PRIMA1: variants seen among roughly 807,000 people sequenced by gnomAD.
PRIMA1 encodes the protein proline rich membrane anchor 1.
PRIMA1 carries 7 observed loss-of-function variants against 17.5 expected under a neutral mutation model. The ratio of observed to expected loss-of-function variants is 0.40; its 90% confidence interval spans 0.23 to 0.75. The LOEUF (loss-of-function observed/expected upper bound fraction) is 0.75, where lower values mean the gene tolerates loss of function less well. PRIMA1 is among the 30% of genes least tolerant of loss of function. The probability of loss-of-function intolerance (pLI) is 0.37; values close to 1 mark genes in which losing one functional copy is unlikely to be tolerated. For missense variants in PRIMA1, 200 were observed against 201.8 expected, an observed-to-expected ratio of 0.99 and a Z score of 0.05; for synonymous variants, 97 against 77.9, an observed-to-expected ratio of 1.25 and a Z score of -1.29.
intron 2 of PRIMA1, 42 bp downstream of exon 2, chr14:93,787,584 C>G (rs1399968712): frequency 6.5e-7 from 1 of 1,537,400 alleles, no homozygotes; most frequent in Admixed American, 2.0e-5. Flanking sequence ...CGCCCCTTAC[C>G]CAGGAGGCCC....
Position 93,726,539 on chromosome 14 carries a change from C to A in PRIMA1, c.360-4993G>T, listed in dbSNP as rs1157167629. On this transcript the variant is annotated intron_variant, in intron 4 of 4. Coordinates refer to ENST00000393140, the MANE Select transcript of PRIMA1 (RefSeq NM_178013.4). This position sits in a 1 kb window ranked among gnomAD's most constrained non-coding sequence, Gnocchi z 4.2. ...ACACACAGGCACGTACACATAGACA[C>A]ATGTACACATGCACAAATCCACATA... 6.6e-6 allele frequency among the ~76,000 whole-genome samples: 1 copy of A among 152,064 alleles called. No homozygotes were observed. Among genetic ancestry groups the A allele is most frequent in the African/African-American group, 2.4e-5 (1 of 41,388 alleles).
At chr14:93,786,294 A>G (rs1402714441) in intron 2 of PRIMA1, among the ~76,000 whole-genome samples, 1 of 152,240 alleles carries the variant, frequency 6.6e-6, no homozygotes. Context: ...TTCACACATT[A>G]GACAAAGCTG....
chr14:93,777,290 C>T (rs1343432017), intron 3 of PRIMA1, among the ~76,000 whole-genome samples: 1 of 152,134 alleles, frequency 6.6e-6, no homozygotes, highest in Non-Finnish European at 1.5e-5. Flanking sequence ...CTTCCTTCTG[C>T]CTGGATGCCC....
intron 3 of PRIMA1, among the ~76,000 whole-genome samples, chr14:93,771,451 A>G (rs1269439936): frequency 6.6e-6 from 1 of 152,170 alleles, no homozygotes; most frequent in African/African-American, 2.4e-5. Context: ...TAGAGTGAAC[A>G]GCTCCATCTG....
intron 3 of PRIMA1, among the ~76,000 whole-genome samples, chr14:93,755,110 G>A (rs1475412798): frequency 6.6e-6 from 1 of 152,148 alleles, no homozygotes; most frequent in Non-Finnish European, 1.5e-5. Context: ...TCCAGAAGCT[G>A]GTCAGTGGGG....
intron 3 of PRIMA1, among the ~76,000 whole-genome samples, chr14:93,754,866 G>A (rs981653220): frequency 5.9e-5 from 9 of 152,120 alleles, no homozygotes; most frequent in African/African-American, 9.7e-5. Flanking sequence ...TGAGGGCTGC[G>A]TCATACAGAC....
In PRIMA1 at chr14:93,756,233, A is replaced by G. The variant is rs1452044991; in HGVS notation, c.230-18863T>C. On this transcript the variant is annotated intron_variant, in intron 3 of 4. Coordinates refer to ENST00000393140, the MANE Select transcript of PRIMA1 (RefSeq NM_178013.4). ...ATAAGAAATATCTTTGATTTTAAAT[A>G]CCATTTCTTTTCTTTTTTTAAACAC... is the stretch of plus-strand genomic sequence containing the variant. 2.6e-5 allele frequency among the ~76,000 whole-genome samples: 4 copies of G among 152,148 alleles called. No homozygotes were observed. In the East Asian group the frequency reaches 7.7e-4, roughly 29 times the overall value.
intron 3 of PRIMA1, among the ~76,000 whole-genome samples, chr14:93,753,741 G>T (rs551124113): frequency 1.3e-5 from 2 of 152,138 alleles, no homozygotes; most frequent in Non-Finnish European, 2.9e-5. Flanking sequence ...CCCCCTTTGT[G>T]GAGAGGACTC....
In PRIMA1 at chr14:93,770,214, C is replaced by T. The variant is rs555993640; in HGVS notation, c.229+8962G>A. On this transcript the variant is annotated intron_variant, in intron 3 of 4. Coordinates refer to ENST00000393140, the MANE Select transcript of PRIMA1 (RefSeq NM_178013.4). Reference sequence around the variant, plus strand: ...CTGGCCCATGGCAACAGCCTCCTCACTGGGCTCCCAGCCTCCACTCTTCCC... The same window carrying T: ...CTGGCCCATGGCAACAGCCTCCTCATTGGGCTCCCAGCCTCCACTCTTCCC... 1.4e-3 allele frequency among the ~76,000 whole-genome samples: 207 copies of T among 152,276 alleles called. No homozygotes were observed. The Middle Eastern group carries it at 0.017, about 13-fold the overall frequency.
At chr14:93,756,600 TC>T (rs1187991110) in intron 3 of PRIMA1, among the ~76,000 whole-genome samples, 5 of 151,858 alleles carry the variant, frequency 3.3e-5, no homozygotes, top group Non-Finnish European at 7.4e-5. Context: ...TGCCTTCAAG[TC>T]CCAGCCAGAT....
intron 3 of PRIMA1, among the ~76,000 whole-genome samples, chr14:93,777,099 T>C (rs567097770): frequency 5.3e-5 from 8 of 152,324 alleles, no homozygotes; most frequent in Admixed American, 2.0e-4. Context: ...TACTTGGATA[T>C]GCGTGAATGT....
rs1428713367 is a variant in PRIMA1, at chr14:93,727,752, G to T, written c.360-6206C>A. 2.0e-5 allele frequency among the ~76,000 whole-genome samples: 3 copies of T among 152,186 alleles called. No homozygotes were observed. In the East Asian group the frequency reaches 5.8e-4, roughly 29 times the overall value. On this transcript the variant is annotated intron_variant, in intron 4 of 4. Transcript: ENST00000393140. ...GCATGCCCTTGGACACCAGCCCCAG[G>T]TCACGGAACCCCCCTTCACCTTGTC... is the stretch of plus-strand genomic sequence containing the variant.
chr14:93,774,216 G>A (rs1363831905), intron 3 of PRIMA1, among the ~76,000 whole-genome samples: 1 of 152,214 alleles, frequency 6.6e-6, no homozygotes, highest in East Asian at 1.9e-4. Flanking sequence ...CCAGCAGTGG[G>A]GTGACCCGCT....
intron 3 of PRIMA1, among the ~76,000 whole-genome samples, chr14:93,739,772 C>T (rs1280287435): frequency 6.6e-6 from 1 of 152,076 alleles, no homozygotes; most frequent in Non-Finnish European, 1.5e-5. Context: ...GAGACCAAGT[C>T]GAATCAGAAA....
Position 93,779,233 on chromosome 14 carries a change from G to GGGGGGGGGGGGGGGGA in PRIMA1, c.171_172insTCCCCCCCCCCCCCCC (p.Pro58SerfsTer34). ...GGTGGGGGCGGCGGGGGCAGCGGGG[G>GGGGGGGGGGGGGGGGA]AGGGGGCCGGCACTGGCAGACGTGT... On this transcript the variant is annotated frameshift_variant, in exon 3 of 5. Coordinates refer to ENST00000393140, the MANE Select transcript of PRIMA1 (RefSeq NM_178013.4). LOFTEE classifies it high-confidence loss of function. 9.1e-7 allele frequency: 1 copy of GGGGGGGGGGGGGGGGA among 1,094,128 alleles called. No homozygotes were observed. 67.8% of individuals were successfully genotyped at this position (1,094,128 alleles called of 1,614,324 possible).
rs182469657 is a variant in PRIMA1 at position 93,744,988 on chromosome 14, G to A, written c.230-7618C>T. Among the ~76,000 whole-genome samples the A allele has an allele frequency of 2.2e-4, 33 of 152,234 alleles. No homozygotes were observed. In the East Asian group the frequency reaches 2.9e-3, roughly 13 times the overall value. ...AGCTTGTGGGCACTGTAGCCTAAAC[G>A]GGTCTCTTGCCCTGCAGCCTGTAGC... On this transcript the variant is annotated intron_variant, in intron 3 of 4. Transcript: ENST00000393140.
At chr14:93,762,898 C>T (rs1173368574) in intron 3 of PRIMA1, among the ~76,000 whole-genome samples, 1 of 152,202 alleles carries the variant, frequency 6.6e-6, no homozygotes, top group Non-Finnish European at 1.5e-5. Flanking sequence ...TCAGCCCTGG[C>T]TGTTCTCTCT....
intron 4 of PRIMA1, among the ~76,000 whole-genome samples, chr14:93,727,451 C>T (rs906632928): frequency 2.0e-5 from 3 of 152,194 alleles, no homozygotes; most frequent in East Asian, 1.9e-4. Flanking sequence ...GCTCAGGCCT[C>T]GGTGACTGTC....
chr14:93,743,219 G>C (rs2076194913), intron 3 of PRIMA1, among the ~76,000 whole-genome samples: 1 of 152,220 alleles, frequency 6.6e-6, no homozygotes, highest in Non-Finnish European at 1.5e-5. Context: ...ATGGCTCCCT[G>C]GTTCCGGAGC....
Sources: allele counts gnomAD v4.1 joint callset (sites outside exome capture counted in the v4.1 genomes callset), GRCh38; gene constraint gnomAD v4.1.1; non-coding constraint Gnocchi (gnomAD v3.1); transcripts MANE v1.5; gene names NCBI Gene and HGNC (gene_info 2026-07-23, HGNC 2026-07-21).